RALYL: variants seen among roughly 807,000 people sequenced by gnomAD.
The protein encoded by RALYL is RNA-binding Raly-like protein.
In RALYL, 29 loss-of-function variants were observed where a neutral mutation model predicts 35.1. The ratio of observed to expected loss-of-function variants is 0.83; its 90% CI spans 0.61 to 1.13. The LOEUF (loss-of-function observed/expected upper bound fraction) is 1.13. Ranked by LOEUF, RALYL falls within the 50% of genes most tolerant of loss-of-function variation. The pLI, the probability that RALYL is intolerant of heterozygous loss-of-function variation, is 0.00. For synonymous variants in RALYL, 120 were observed against 127.6 expected (o/e 0.94, Z 0.40); for missense variants, 359 against 360.4 (o/e 1.00, Z 0.03).
intron 1 of RALYL, among the ~76,000 whole-genome samples, chr8:84,461,905 A>G (rs147337310): frequency 1.7e-3 from 253 of 151,624 alleles, no homozygotes; most frequent in African/African-American, 5.9e-3. Flanking sequence ...TGGATATGCT[A>G]TTATTACCAA....
chr8:84,575,463 C>T (rs890479267), intron 2 of RALYL, among the ~76,000 whole-genome samples: 15 of 152,196 alleles, frequency 9.9e-5, no homozygotes, highest in East Asian at 1.9e-4. Context: ...CATTTTTATG[C>T]GTTACTGCTG....
At chr8:84,668,731 T>C (rs535228051) in intron 2 of RALYL, among the ~76,000 whole-genome samples, 2 of 152,152 alleles carry the variant, frequency 1.3e-5, no homozygotes, top group African/African-American at 4.8e-5. Context: ...TTTGTTATGA[T>C]GACTGTTATT....
intron 2 of RALYL, among the ~76,000 whole-genome samples, chr8:84,586,455 A>G (rs995925806): frequency 6.6e-6 from 1 of 152,232 alleles, no homozygotes; most frequent in Non-Finnish European, 1.5e-5. Flanking sequence ...GCTGTTTACT[A>G]ATGACTCTCT....
intron 7 of RALYL, among the ~76,000 whole-genome samples, chr8:84,880,445 C>T (rs1841974788): frequency 6.6e-6 from 1 of 151,926 alleles, no homozygotes; most frequent in Non-Finnish European, 1.5e-5. Flanking sequence ...CCTCTGTACC[C>T]TATCTCTGTC....
chr8:84,247,884 T>A (rs1829430504), intron 1 of RALYL, among the ~76,000 whole-genome samples: 1 of 152,128 alleles, frequency 6.6e-6, no homozygotes, highest in Admixed American at 6.6e-5. Context: ...TGCATTAATT[T>A]GTGTGTCTTC....
At chr8:84,732,683 T>TATATATATATAC in intron 2 of RALYL, among the ~76,000 whole-genome samples, 9 of 133,234 alleles carry the variant, frequency 6.8e-5, no homozygotes, top group African/African-American at 2.7e-4. Context: ...TATATATATA[T>TATATATATATAC]ACACACACAC....
At chr8:84,917,060 T>A (rs936437026) in intron 8 of RALYL, among the ~76,000 whole-genome samples, 1 of 152,168 alleles carries the variant, frequency 6.6e-6, no homozygotes, top group South Asian at 2.1e-4. Flanking sequence ...CCATATACAG[T>A]AACTTAAATT....
At chr8:84,429,104 G>T (rs1325266369) in intron 1 of RALYL, among the ~76,000 whole-genome samples, 1 of 152,080 alleles carries the variant, frequency 6.6e-6, no homozygotes, top group Non-Finnish European at 1.5e-5. Context: ...ATAGAGAAAT[G>T]CTGAGTGAGA....
At chr8:84,249,895 A>G (rs1274813982) in intron 1 of RALYL, among the ~76,000 whole-genome samples, 1 of 151,750 alleles carries the variant, frequency 6.6e-6, no homozygotes, top group Non-Finnish European at 1.5e-5. Flanking sequence ...TCCTATATGC[A>G]CATAACCAAG....
intron 2 of RALYL, among the ~76,000 whole-genome samples, chr8:84,739,606 A>G (rs1300701685): frequency 6.6e-6 from 1 of 151,820 alleles, no homozygotes; most frequent in East Asian, 1.9e-4. Flanking sequence ...TACACAATAT[A>G]TGTATGTATT....
chr8:84,906,805 C>CA (rs1846584504), intron 8 of RALYL: 1 of 215,580 alleles, frequency 4.6e-6, no homozygotes, highest in Non-Finnish European at 7.9e-6. Context: ...CTTTGTCACC[C>CA]ACCAGCCAGG....
chr8:84,355,487 T>C (rs1246183588), intron 1 of RALYL, among the ~76,000 whole-genome samples: 1 of 150,622 alleles, frequency 6.6e-6, no homozygotes, highest in Non-Finnish European at 1.5e-5. Flanking sequence ...CATGCATAGA[T>C]CATGGGATTG....
chr8:84,305,967 A>T (rs1352922387), intron 1 of RALYL, among the ~76,000 whole-genome samples: 1 of 152,186 alleles, frequency 6.6e-6, no homozygotes, highest in Admixed American at 6.5e-5. Flanking sequence ...GATCAAGACC[A>T]TCCTGGCCAA....
At chr8:84,838,946 A>T (rs1832605168) in intron 4 of RALYL, among the ~76,000 whole-genome samples, 1 of 152,204 alleles carries the variant, frequency 6.6e-6, no homozygotes, top group Non-Finnish European at 1.5e-5. Context: ...CATAAAAAAG[A>T]GTCTCTGAAA....
intron 2 of RALYL, among the ~76,000 whole-genome samples, chr8:84,641,543 G>A (rs1826329509): frequency 6.6e-6 from 1 of 151,700 alleles, no homozygotes; most frequent in South Asian, 2.1e-4. Flanking sequence ...ACACTTACAA[G>A]TATTTATGTC....
chr8:84,198,940 A>G (rs2130972906), intron 1 of RALYL, among the ~76,000 whole-genome samples: 1 of 152,308 alleles, frequency 6.6e-6, no homozygotes, highest in Non-Finnish European at 1.5e-5. Context: ...GCTGTTGTGA[A>G]CAGTGCTGCA....
At chr8:84,704,167 G>T (rs759614443) in intron 2 of RALYL, among the ~76,000 whole-genome samples, 13 of 152,160 alleles carry the variant, frequency 8.5e-5, no homozygotes, top group Admixed American at 5.2e-4. Flanking sequence ...GCTCACACCT[G>T]TAATCCCAGC....
Position 84,862,306 on chromosome 8 carries a change from T to G in RALYL, c.424T>G (p.Tyr142Asp). The G allele has an allele frequency of 6.4e-7, 1 of 1,562,730 alleles. No homozygotes were observed. Among genetic ancestry groups the G allele is most frequent in the Non-Finnish European group, 8.7e-7 (1 of 1,155,802 alleles). ...RDDFYNRLFD[Y>D]HGRVPPPPRA... ...TTGTGTTTTGTAAAGGTTATTTGAT[T>G]ACCACGGGCGTGTGCCTCCACCTCC... Residue 142 changes from tyrosine to aspartate, a missense_variant, in exon 6 of 9, where the codon TAC becomes GAC. Tyr to Asp is a radical substitution (Grantham distance 160, BLOSUM62 -3). Transcript: ENST00000521268.
intron 1 of RALYL, among the ~76,000 whole-genome samples, chr8:84,306,567 G>A (rs1457903985): frequency 3.3e-5 from 5 of 152,114 alleles, no homozygotes; most frequent in African/African-American, 7.2e-5. Context: ...CCTGGGACAA[G>A]GTTATACCTC....
Sources: gnomAD v4.1 joint callset for allele counts (sites outside exome capture counted in the v4.1 genomes callset) on GRCh38, gnomAD v4.1.1 for gene constraint, MANE v1.5 for transcripts, NCBI Gene and HGNC (gene_info 2026-07-23, HGNC 2026-07-21) for gene names.